Variants in HEPHL1 observed in about 807,000 individuals in gnomAD.
HEPHL1 encodes ferroxidase HEPHL1.
In HEPHL1, 123 loss-of-function variants were observed where a neutral mutation model predicts 122.0. That is an observed-to-expected ratio of 1.01 (90% CI 0.87 to 1.17). The LOEUF is 1.17. Ranked by LOEUF, HEPHL1 falls within the 50% of genes most tolerant of loss-of-function variation. HEPHL1 has a pLI of 0.00. For synonymous variants in HEPHL1, 527 were observed against 508.9 expected (o/e 1.04, Z -0.48); for missense variants, 1,452 against 1,430.5 (o/e 1.01, Z -0.24).
intron 1 of HEPHL1, among the ~76,000 whole-genome samples, chr11:94,031,915 T>A (rs1209821863): frequency 6.6e-6 from 1 of 152,254 alleles, no homozygotes; most frequent in Non-Finnish European, 1.5e-5. Flanking sequence ...GGTCTGGTGA[T>A]GGCCATTCTT....
At chr11:94,065,662 T>C (rs1946027332) in intron 4 of HEPHL1, among the ~76,000 whole-genome samples, 1 of 152,100 alleles carries the variant, frequency 6.6e-6, no homozygotes, top group African/African-American at 2.4e-5. Flanking sequence ...CAATGAAGGA[T>C]GGAGTCAATG....
chr11:94,074,418 C>A lies in HEPHL1; in HGVS notation c.1505-756C>A, dbSNP rs115322931. 9.9e-3 allele frequency among the ~76,000 whole-genome samples: 1,497 copies of A among 151,736 alleles called. 33 individuals are homozygous for A. The highest frequency in any genetic ancestry group is 0.035 in the African/African-American group (1,434 of 41,388). On this transcript the variant is annotated intron_variant, in intron 8 of 19. Transcript: ENST00000315765. Reference sequence around the variant, plus strand: ...CTACAGCCTGGGTGACATAGCAAGACCTTGTCTCTTAAAAAAATAAAAGAA... The same window carrying A: ...CTACAGCCTGGGTGACATAGCAAGAACTTGTCTCTTAAAAAAATAAAAGAA...
intron 2 of HEPHL1, among the ~76,000 whole-genome samples, chr11:94,048,627 G>A (rs1426238152): frequency 1.3e-5 from 2 of 152,072 alleles, no homozygotes; most frequent in African/African-American, 2.4e-5. Flanking sequence ...CTCTCAAAGT[G>A]CAGGGATAAC....
chr11:94,021,660 G>A, intron 1 of HEPHL1, 122 bp downstream of exon 1: 1 of 781,238 alleles, frequency 1.3e-6, no homozygotes, highest in Non-Finnish European at 2.1e-6. Context: ...AAGAGAAGGT[G>A]TTTTGTTTTT....
intron 2 of HEPHL1, among the ~76,000 whole-genome samples, chr11:94,058,085 AG>A (rs1945955081): frequency 6.6e-6 from 1 of 152,116 alleles, no homozygotes; most frequent in Admixed American, 6.6e-5. Context: ...TGCTTAGCTC[AG>A]TGGTCAGCAA....
At chr11:94,031,416 T>A (rs529402472) in intron 1 of HEPHL1, among the ~76,000 whole-genome samples, 12 of 152,182 alleles carry the variant, frequency 7.9e-5, no homozygotes, top group East Asian at 3.9e-4. Flanking sequence ...GCTTTTTTTT[T>A]ATTAGTATCT....
intron 1 of HEPHL1, among the ~76,000 whole-genome samples, chr11:94,043,298 T>G (rs1042379614): frequency 6.6e-5 from 10 of 152,166 alleles, no homozygotes; most frequent in African/African-American, 2.4e-4. Context: ...TGTGGTTACC[T>G]GAAGCTCCAG....
intron 13 of HEPHL1, among the ~76,000 whole-genome samples, chr11:94,093,971 G>GATAGATAGATATAGAT (rs71036310): frequency 2.7e-5 from 2 of 72,746 alleles, no homozygotes; most frequent in Admixed American, 1.3e-4. Context: ...TCCTCCAGCA[G>GATAGATAGATATAGAT]ATATATATAT....
chr11:94,101,401 C>T, intron 14 of HEPHL1, 66 bp downstream of exon 14: 1 of 1,523,872 alleles, frequency 6.6e-7, no homozygotes, highest in Non-Finnish European at 8.9e-7. Flanking sequence ...TTTCTGGTCT[C>T]AGAGGTGTCT....
rs1456942508 is a variant in HEPHL1, at chr11:94,101,230, C to G, written c.2470C>G (p.Leu824Val). The change falls in exon 14 of 20, where the codon CTG (leucine) becomes GTG (valine). Residue 824 changes from leucine to valine, a missense_variant. Coordinates refer to ENST00000315765, the MANE Select transcript of HEPHL1 (RefSeq NM_001098672.2). The stretch of plus-strand genomic sequence containing the variant: ...TCATGCTGAGGTGGGCAACACCGTC[C>G]TGATCATATTTAAGAACAAAGCCAG... ...MIHAEVGNTV[L>V]IIFKNKASRP... 1 of 1,613,874 alleles carries G rather than the reference C, an allele frequency of 6.2e-7. No individual in the cohort carries two copies. Among genetic ancestry groups the G allele is most frequent in the Non-Finnish European group, 8.5e-7 (1 of 1,179,878 alleles).
chr11:94,050,626 G>A (rs111256028), intron 2 of HEPHL1, among the ~76,000 whole-genome samples: 103 of 152,138 alleles, frequency 6.8e-4, no homozygotes, highest in African/African-American at 2.4e-3. Flanking sequence ...AGTACATGGA[G>A]TATCCATCAC....
In HEPHL1 at chr11:94,064,313, T is replaced by C; in HGVS notation, c.629-18T>C. 1 of 1,591,916 alleles carries C rather than the reference T, an allele frequency of 6.3e-7. No homozygotes were observed. The highest frequency in any genetic ancestry group is 8.6e-7 in the Non-Finnish European group (1 of 1,164,994). ...TGATTTAGTTCTTTCTCTCTACTCT[T>C]TTGAATGTGCCTGACAGGTATCCTG... On this transcript the variant is annotated intron_variant, in intron 3 of 19. Coordinates refer to ENST00000315765, the MANE Select transcript of HEPHL1 (RefSeq NM_001098672.2).
chr11:94,097,920 A>G (rs1199358556), intron 13 of HEPHL1, among the ~76,000 whole-genome samples: 1 of 152,030 alleles, frequency 6.6e-6, no homozygotes, highest in Non-Finnish European at 1.5e-5. Context: ...TCTGCACGTG[A>G]GATGGGCCTC....
At position 94,036,016 on chromosome 11, in the gene HEPHL1, G is replaced by A. The variant is rs140596003; in HGVS notation, c.171-9657G>A. 7.4e-3 allele frequency among the ~76,000 whole-genome samples: 1,128 copies of A among 152,330 alleles called. 18 individuals are homozygous for A. The highest frequency in any genetic ancestry group is 0.026 in the African/African-American group (1,074 of 41,568). The stretch of plus-strand genomic sequence containing the variant: ...CTCCCAAAGTGCTGGGATTACAGGC[G>A]TGAGCCAACGCGCCCAGCCTGAAAG... On this transcript the variant is annotated intron_variant, in intron 1 of 19. Transcript: ENST00000315765.
At chr11:94,052,058 G>A (rs1945894765) in intron 2 of HEPHL1, among the ~76,000 whole-genome samples, 1 of 152,036 alleles carries the variant, frequency 6.6e-6, no homozygotes, top group East Asian at 1.9e-4. Flanking sequence ...AGTATAATTT[G>A]AAGTCAGGTA....
chr11:94,086,641 A>T (rs1946220743), intron 11 of HEPHL1, among the ~76,000 whole-genome samples: 1 of 152,184 alleles, frequency 6.6e-6, no homozygotes, highest in Non-Finnish European at 1.5e-5. Context: ...TACTGATAAC[A>T]GCCTTTTGAT....
rs781768360 is a variant in HEPHL1 at position 94,111,825 on chromosome 11, C to T, written c.3411C>T (p.Leu1137=). 6.4e-7 allele frequency: 1 copy of T among 1,552,752 alleles called. No individual in the cohort carries two copies. ...LITTVILSLR[L]CSAMKQTDYQ... is the part of the protein sequence containing the mutation. ...CCACGGTGATTCTCTCCCTCAGACT[C>T]TGCTCTGCAATGAAGCAGACAGATT... Residue 1137 remains leucine (L), a synonymous_variant, in exon 20 of 20, where the codon CTC becomes CTT. Transcript: ENST00000315765.
chr11:94,089,059 T>C, intron 12 of HEPHL1, 91 bp downstream of exon 12: 2 of 1,174,220 alleles, frequency 1.7e-6, no homozygotes, highest in East Asian at 2.3e-5. Context: ...AATTCCCAGG[T>C]TGTGTCTCCA....
chr11:94,030,875 G>C (rs1945668298), intron 1 of HEPHL1, among the ~76,000 whole-genome samples: 1 of 152,104 alleles, frequency 6.6e-6, no homozygotes, highest in Non-Finnish European at 1.5e-5. Context: ...AAGAGACCCA[G>C]AATGTTCATA....
Sources: allele counts gnomAD v4.1 joint callset (sites outside exome capture counted in the v4.1 genomes callset), GRCh38; gene constraint gnomAD v4.1.1; transcripts MANE v1.5; gene names NCBI Gene and HGNC (gene_info 2026-07-23, HGNC 2026-07-21).